SOX5: variants seen among roughly 807,000 people sequenced by gnomAD.
SOX5 encodes transcription factor SOX-5.
Under a neutral mutation model 92.0 loss-of-function variants are expected in SOX5, and 9 were observed. The observed-to-expected ratio is 0.10, with a 90% CI of 0.06 to 0.17. The LOEUF is 0.17. SOX5 is among the 10% of genes least tolerant of loss of function. The pLI, the probability that SOX5 is intolerant of heterozygous loss-of-function variation, is 1.00. For synonymous variants in SOX5, 344 were observed against 336.3 expected (o/e 1.02, Z -0.25); for missense variants, 642 against 944.5 (o/e 0.68, Z 4.20).
chr12:23,821,178 T>C (rs1357123018), intron 3 of SOX5, among the ~76,000 whole-genome samples: 1 of 152,210 alleles, frequency 6.6e-6, no homozygotes, highest in East Asian at 1.9e-4. Context: ...TTTATTCCCT[T>C]TGTAGCAATT....
At chr12:24,134,836 T>A (rs746601155) in intron 4 of SOX5, among the ~76,000 whole-genome samples, 2 of 152,158 alleles carry the variant, frequency 1.3e-5, no homozygotes, top group Non-Finnish European at 2.9e-5. Context: ...AGAACAGTAT[T>A]CTCCCAACCG....
intron 3 of SOX5, among the ~76,000 whole-genome samples, chr12:23,796,259 C>G (rs964360592): frequency 3.3e-5 from 5 of 152,000 alleles, no homozygotes; most frequent in Non-Finnish European, 5.9e-5. Context: ...TAACATTGAA[C>G]AAAGCCCTGC....
At chr12:24,101,488 G>T (rs1946090270) in intron 4 of SOX5, among the ~76,000 whole-genome samples, 2 of 151,992 alleles carry the variant, frequency 1.3e-5, no homozygotes, top group East Asian at 3.9e-4. Context: ...TTGTCTACTT[G>T]CCCCAGTAGA....
intron 2 of SOX5, among the ~76,000 whole-genome samples, chr12:24,307,506 G>GTTTGTACTTC (rs1177094739): frequency 2.6e-5 from 1 of 38,486 alleles, no homozygotes; most frequent in African/African-American, 4.6e-5. Context: ...AGGAAGGAAG[G>GTTTGTACTTC]AAGGAAGGAA....
intron 4 of SOX5, among the ~76,000 whole-genome samples, chr12:24,114,045 T>C (rs1947686870): frequency 6.6e-6 from 1 of 152,166 alleles, no homozygotes; most frequent in Admixed American, 6.5e-5. Flanking sequence ...CTGAGGAGAA[T>C]TTAGAATTAT....
intron 4 of SOX5, among the ~76,000 whole-genome samples, chr12:24,141,510 T>C (rs1357824090): frequency 2.6e-5 from 4 of 152,176 alleles, no homozygotes; most frequent in East Asian, 3.9e-4. Flanking sequence ...AAGATACTAG[T>C]GTAATCCACC....
chr12:23,963,749 G>A (rs951226058), intron 4 of SOX5, among the ~76,000 whole-genome samples: 1 of 119,328 alleles, frequency 8.4e-6, no homozygotes, highest in African/African-American at 3.2e-5. Context: ...ATGCAGGCAG[G>A]CATGCATGAA....
chr12:24,173,529 A>G (rs570242346), intron 4 of SOX5, among the ~76,000 whole-genome samples: 2 of 152,332 alleles, frequency 1.3e-5, no homozygotes, highest in South Asian at 4.1e-4. Context: ...ATTCACAAGG[A>G]ATGCAGCCTT....
intron 1 of SOX5, among the ~76,000 whole-genome samples, chr12:23,948,186 G>A (rs540153327): frequency 1.3e-5 from 2 of 150,292 alleles, no homozygotes; most frequent in Non-Finnish European, 1.5e-5. Flanking sequence ...TCAAACATTC[G>A]CTGGAATTAT....
At chr12:24,100,365 T>G (rs1945937283) in intron 4 of SOX5, among the ~76,000 whole-genome samples, 1 of 152,156 alleles carries the variant, frequency 6.6e-6, no homozygotes, top group African/African-American at 2.4e-5. Flanking sequence ...TTGAAATTAT[T>G]CTTTTCAAAG....
At chr12:23,892,963 T>G (rs1264033828) in intron 2 of SOX5, among the ~76,000 whole-genome samples, 1 of 152,214 alleles carries the variant, frequency 6.6e-6, no homozygotes, top group African/African-American at 2.4e-5. Context: ...GAGCTATGAT[T>G]GTGCCACTGC....
intron 3 of SOX5, among the ~76,000 whole-genome samples, chr12:24,265,874 A>G (rs1339910316): frequency 6.6e-6 from 1 of 152,108 alleles, no homozygotes; most frequent in African/African-American, 2.4e-5. Flanking sequence ...ATATTGCATC[A>G]TACACGACCA....
At chr12:24,390,208 T>C (rs1958845271) in intron 1 of SOX5, among the ~76,000 whole-genome samples, 1 of 152,178 alleles carries the variant, frequency 6.6e-6, no homozygotes, top group South Asian at 2.1e-4. Flanking sequence ...CTTCCAATTA[T>C]TTTACACACG....
intron 2 of SOX5, among the ~76,000 whole-genome samples, chr12:24,287,182 A>G (rs555978990): frequency 3.9e-4 from 60 of 152,334 alleles, no homozygotes; most frequent in African/African-American, 1.4e-3. Context: ...AAAAAGTCAT[A>G]GCATCAGATA....
At chr12:23,902,602 T>G (rs529039882) in intron 1 of SOX5, among the ~76,000 whole-genome samples, 69 of 152,294 alleles carry the variant, frequency 4.5e-4, no homozygotes, top group African/African-American at 1.4e-3. Flanking sequence ...TATTAGTATA[T>G]ACAGTATCTG....
chr12:23,873,466 C>G (rs2096895967), intron 2 of SOX5, among the ~76,000 whole-genome samples: 2 of 152,138 alleles, frequency 1.3e-5, no homozygotes, highest in Non-Finnish European at 2.9e-5. Context: ...AGGTAAGACC[C>G]TGTCTCAAAA....
At chr12:23,852,879 C>T (rs1040163176) in intron 2 of SOX5, among the ~76,000 whole-genome samples, 3 of 151,868 alleles carry the variant, frequency 2.0e-5, no homozygotes, top group African/African-American at 7.3e-5. Context: ...AACAAGCCTT[C>T]CATGTGAGAC....
intron 4 of SOX5, among the ~76,000 whole-genome samples, chr12:24,091,875 AC>A (rs1479869912): frequency 6.6e-6 from 1 of 151,604 alleles, no homozygotes; most frequent in Non-Finnish European, 1.5e-5. Context: ...CTAAAATTCT[AC>A]TCTTCCATTT....
At position 23,703,729 on chromosome 12, in the gene SOX5, C is replaced by G. The variant is rs1037444582; in HGVS notation, c.810+30955G>C. On this transcript the variant is annotated intron_variant, in intron 6 of 14. Coordinates refer to ENST00000451604, the MANE Select transcript of SOX5 (RefSeq NM_006940.6). ...AGCTTCCTCTTCATTTCTCAGGGGA[C>G]ACACACACACACACACACACACAAA... 2.1e-5 allele frequency among the ~76,000 whole-genome samples: 3 copies of G among 145,490 alleles called. No individual in the cohort carries two copies. The South Asian group carries it at 6.4e-4, about 31-fold the overall frequency.
Sources: gnomAD v4.1 joint callset for allele counts (sites outside exome capture counted in the v4.1 genomes callset) on GRCh38, gnomAD v4.1.1 for gene constraint, MANE v1.5 for transcripts, NCBI Gene and HGNC (gene_info 2026-07-23, HGNC 2026-07-21) for gene names.